Variants in CAMSAP2 observed in about 807,000 individuals in gnomAD.
CAMSAP2 encodes calmodulin-regulated spectrin-associated protein 2.
In CAMSAP2, 26 loss-of-function variants were observed where a neutral mutation model predicts 146.1. The observed-to-expected ratio is 0.18, with a 90% CI of 0.13 to 0.25. The LOEUF (loss-of-function observed/expected upper bound fraction) is 0.25. CAMSAP2 is among the 10% of genes least tolerant of loss of function. CAMSAP2 has a pLI of 1.00. For synonymous variants in CAMSAP2, 499 were observed against 596.6 expected (o/e 0.84, Z 2.38); for missense variants, 1,381 against 1,759.3 (o/e 0.78, Z 3.85).
intron 1 of CAMSAP2, among the ~76,000 whole-genome samples, chr1:200,744,029 C>T (rs1664251752): frequency 6.6e-6 from 1 of 152,194 alleles, no homozygotes; most frequent in Non-Finnish European, 1.5e-5. Flanking sequence ...AAGCACTTTA[C>T]ACATACTGTA....
chr1:200,847,034 A>G (rs932656697), intron 8 of CAMSAP2, among the ~76,000 whole-genome samples, 176 bp from the exon 9 acceptor site: 1 of 152,216 alleles, frequency 6.6e-6, no homozygotes, highest in Non-Finnish European at 1.5e-5. Flanking sequence ...CATAAAATAT[A>G]TATAGATACA....
chr1:200,761,552 A>G (rs908707003), intron 2 of CAMSAP2, among the ~76,000 whole-genome samples: 3 of 152,144 alleles, frequency 2.0e-5, no homozygotes, highest in Non-Finnish European at 4.4e-5. Flanking sequence ...TCTTACCAAC[A>G]TGGAGAAACC....
chr1:200,766,055 A>G (rs183639351), intron 2 of CAMSAP2, among the ~76,000 whole-genome samples: 8 of 152,184 alleles, frequency 5.3e-5, no homozygotes, highest in Admixed American at 3.9e-4. Context: ...CTGAACCGCT[A>G]TACTGTCAGC....
chr1:200,775,820 T>C (rs1665262666), intron 2 of CAMSAP2, among the ~76,000 whole-genome samples: 1 of 152,162 alleles, frequency 6.6e-6, no homozygotes, highest in South Asian at 2.1e-4. Context: ...CATGAGCCAC[T>C]GTGCCTGGCC....
At chr1:200,854,723 GTGT>G in intron 13 of CAMSAP2, 91 bp from the exon 14 acceptor site, 1 of 782,476 alleles carries the variant, frequency 1.3e-6, no homozygotes, top group South Asian at 1.8e-5. Flanking sequence ...TTATATGCTG[GTGT>G]TATCTAATGA....
intron 1 of CAMSAP2, among the ~76,000 whole-genome samples, chr1:200,748,238 C>T (rs1341823511): frequency 2.6e-5 from 4 of 152,192 alleles, no homozygotes; most frequent in African/African-American, 9.7e-5. Context: ...TCTAAACACT[C>T]CCCACCACTG....
In CAMSAP2 at chr1:200,848,169, A is replaced by G; in HGVS notation, c.1400A>G (p.His467Arg). ...LTLNNSHVSK[H>R]IRKNLSFKPI... ...CTGAACAACAGTCATGTATCTAAACACATTAGGAAAAATTTGTCCTTCAAG... is the reference window on the plus strand; with the variant it reads ...CTGAACAACAGTCATGTATCTAAACGCATTAGGAAAAATTTGTCCTTCAAG... The change falls in exon 11 of 17, where the codon CAC (histidine) becomes CGC (arginine). Residue 467 changes from histidine (H) to arginine (R), a missense_variant. His to Arg is a conservative substitution (Grantham distance 29). Transcript: ENST00000358823. The G allele has an allele frequency of 6.2e-7, 1 of 1,613,882 alleles. No individual in the cohort carries two copies. Among genetic ancestry groups the G allele is most frequent in the Non-Finnish European group, 8.5e-7 (1 of 1,179,836 alleles).
At chr1:200,822,400 T>C (rs1190590858) in intron 4 of CAMSAP2, among the ~76,000 whole-genome samples, 1 of 152,186 alleles carries the variant, frequency 6.6e-6, no homozygotes, top group East Asian at 1.9e-4. Context: ...GTTCTTTAGC[T>C]TTTCTTTTCT....
At chr1:200,839,748 G>A (rs1667269659) in intron 6 of CAMSAP2, among the ~76,000 whole-genome samples, 1 of 152,156 alleles carries the variant, frequency 6.6e-6, no homozygotes, top group Non-Finnish European at 1.5e-5. Flanking sequence ...ATTGGGTACA[G>A]TGTACACTGC....
intron 11 of CAMSAP2, among the ~76,000 whole-genome samples, chr1:200,851,891 C>T (rs549302959): frequency 3.3e-5 from 5 of 152,284 alleles, no homozygotes; most frequent in South Asian, 4.2e-4. Context: ...TTTGGAAGCC[C>T]GCTGAGAACT....
chr1:200,804,932 T>C (rs1477076584), intron 2 of CAMSAP2, among the ~76,000 whole-genome samples: 1 of 152,236 alleles, frequency 6.6e-6, no homozygotes, highest in Admixed American at 6.5e-5. Context: ...CATGATATGG[T>C]AGAAAGAGCA....
intron 8 of CAMSAP2, among the ~76,000 whole-genome samples, chr1:200,845,965 G>A (rs1489753466): frequency 6.6e-6 from 1 of 152,118 alleles, no homozygotes; most frequent in Non-Finnish European, 1.5e-5. Context: ...TATTTCAGCA[G>A]CTCCTATAAG....
chr1:200,768,549 A>G (rs1471529056), intron 2 of CAMSAP2, among the ~76,000 whole-genome samples: 1 of 152,156 alleles, frequency 6.6e-6, no homozygotes, highest in African/African-American at 2.4e-5. Flanking sequence ...ACTGTGGTGT[A>G]TTGTAGAAGA....
chr1:200,817,239 CATACACACATATGTGTGTGTATAT>C (rs1666617947), intron 4 of CAMSAP2, among the ~76,000 whole-genome samples: 1 of 138,712 alleles, frequency 7.2e-6, no homozygotes, highest in African/African-American at 2.6e-5. Context: ...TATATACACA[CATACACACATATGTGTGTGTATAT>C]ACACACATAT....
In CAMSAP2 at chr1:200,785,669, C is replaced by T. The variant is rs147261814; in HGVS notation, c.400-21707C>T. Among the ~76,000 whole-genome samples, 1,124 of 151,390 alleles carry T rather than the reference C, an allele frequency of 7.4e-3. 10 individuals carry two copies. Among genetic ancestry groups the T allele is most frequent in the Middle Eastern group, 0.045 (13 of 290 alleles). ...CCTCCCAAAGTGCTGGGATTATAGG[C>T]GTGAGCCATGTGCCTGGCTGATATT... On this transcript the variant is annotated intron_variant, in intron 2 of 16. Coordinates refer to ENST00000358823, the MANE Select transcript of CAMSAP2 (RefSeq NM_203459.4).
chr1:200,833,727 AT>A (rs1667103327), intron 6 of CAMSAP2, among the ~76,000 whole-genome samples: 1 of 152,202 alleles, frequency 6.6e-6, no homozygotes, highest in South Asian at 2.1e-4. Flanking sequence ...TAATTTTTGA[AT>A]TAAAAAATTA....
In CAMSAP2 at chr1:200,815,612, C is replaced by A; in HGVS notation, c.613C>A (p.His205Asn). The A allele has an allele frequency of 6.3e-7, 1 of 1,575,324 alleles. No homozygotes were observed. Residue 205 changes from histidine (H) to asparagine (N), a missense_variant, in exon 4 of 17, where the codon CAT becomes AAT. His to Asn is a moderately conservative substitution (Grantham distance 68). Coordinates refer to ENST00000358823, the MANE Select transcript of CAMSAP2 (RefSeq NM_203459.4). Reference protein sequence around the residue: ...IMEQEQKLKEHHTVEAPGGQK... With the variant: ...IMEQEQKLKENHTVEAPGGQK... The stretch of plus-strand genomic sequence containing the variant: ...GGAACAAGAACAAAAACTGAAAGAA[C>A]ATCACACAGTTGAAGCTCCAGGAGG...
chr1:200,772,813 A>G (rs1665154553), intron 2 of CAMSAP2, among the ~76,000 whole-genome samples: 1 of 152,190 alleles, frequency 6.6e-6, no homozygotes, highest in Non-Finnish European at 1.5e-5. Context: ...TTTGTTGTAC[A>G]TACTCTTACT....
chr1:200,749,415 A>G (rs1271891621), intron 1 of CAMSAP2, among the ~76,000 whole-genome samples: 1 of 149,336 alleles, frequency 6.7e-6, no homozygotes, highest in East Asian at 2.0e-4. Context: ...GGACTCATGA[A>G]TATCATGCTC....
Sources: allele counts gnomAD v4.1 joint callset (sites outside exome capture counted in the v4.1 genomes callset), GRCh38; gene constraint gnomAD v4.1.1; transcripts MANE v1.5; gene names NCBI Gene and HGNC (gene_info 2026-07-23, HGNC 2026-07-21).